The following CFAP20DC variants were observed in gnomAD, a reference collection of about 807,000 sequenced individuals.
CFAP20DC encodes the protein protein CFAP20DC.
A neutral mutation model predicts 101.7 loss-of-function variants in CFAP20DC; 84 were observed. The observed-to-expected ratio is 0.83, with a 90% CI of 0.69 to 0.99. CFAP20DC has a LOEUF of 0.99. CFAP20DC is among the 50% of genes least tolerant of loss of function. The pLI is 0.00. For synonymous variants in CFAP20DC, 359 were observed against 351.2 expected (o/e 1.02, Z -0.25); for missense variants, 1,007 against 970.3 (o/e 1.04, Z -0.50).
chr3:58,898,103 C>T (rs2082819566), intron 6 of CFAP20DC, among the ~76,000 whole-genome samples: 1 of 151,280 alleles, frequency 6.6e-6, no homozygotes, highest in African/African-American at 2.4e-5. Flanking sequence ...TCTTGTCTGC[C>T]TTTCTTATTT....
intron 11 of CFAP20DC, among the ~76,000 whole-genome samples, chr3:58,865,194 T>C (rs1358804191): frequency 6.6e-6 from 1 of 151,878 alleles, no homozygotes; most frequent in African/African-American, 2.4e-5. Flanking sequence ...TCTTGAATCA[T>C]ATTATATTTA....
intron 6 of CFAP20DC, among the ~76,000 whole-genome samples, chr3:58,891,161 G>C (rs528082307): frequency 6.6e-6 from 1 of 151,716 alleles, no homozygotes; most frequent in Non-Finnish European, 1.5e-5. Flanking sequence ...ACGAGACTCC[G>C]TCTGCAATCC....
chr3:59,027,011 T>A (rs1409058048), intron 4 of CFAP20DC, among the ~76,000 whole-genome samples: 2 of 152,104 alleles, frequency 1.3e-5, no homozygotes, highest in East Asian at 3.9e-4. Context: ...GCCATTAAAA[T>A]AAAAGAGTTA....
intron 14 of CFAP20DC, among the ~76,000 whole-genome samples, chr3:58,815,005 T>C (rs2074995539): frequency 6.6e-6 from 1 of 151,318 alleles, no homozygotes; most frequent in African/African-American, 2.4e-5. Flanking sequence ...TGGAAAAAAC[T>C]ACTTTAAAGT....
rs575490716 is a variant in CFAP20DC at position 58,958,899 on chromosome 3, G to A, written c.279-21137C>T. Among the ~76,000 whole-genome samples the A allele has an allele frequency of 9.2e-5, 14 of 151,866 alleles. No homozygotes were observed. The South Asian group carries it at 2.7e-3, about 29-fold the overall frequency. On this transcript the variant is annotated intron_variant, in intron 4 of 16. Coordinates refer to ENST00000482387, the MANE Select transcript of CFAP20DC (RefSeq NM_001394063.1). ...ATATGATTTGCAAATATTTTCACCA[G>A]TCTGTGGTTTGTCTTCATTTACTTA...
intron 5 of CFAP20DC, among the ~76,000 whole-genome samples, chr3:58,930,922 G>A (rs1401563195): frequency 6.6e-6 from 1 of 152,144 alleles, no homozygotes; most frequent in Admixed American, 6.5e-5. Flanking sequence ...GTGGGCGCAG[G>A]ACAGTGGGTG....
chr3:59,012,324 C>T (rs141391183), intron 4 of CFAP20DC, among the ~76,000 whole-genome samples: 9 of 152,232 alleles, frequency 5.9e-5, no homozygotes, highest in African/African-American at 1.9e-4. Context: ...TGATAGTTTC[C>T]GGATCCTACC....
rs1271746055 is a variant in CFAP20DC, at chr3:58,847,479, A to C, written c.1971+1553T>G. ...AAACCACAATGAGATACCATCTCAC[A>C]CCAGTTAGAATGGCAATCATTAAAA... is the stretch of plus-strand genomic sequence containing the variant. On this transcript the variant is annotated intron_variant, in intron 13 of 16. Coordinates refer to ENST00000482387, the MANE Select transcript of CFAP20DC (RefSeq NM_001394063.1). Among the ~76,000 whole-genome samples the C allele has an allele frequency of 3.0e-4, 45 of 150,192 alleles. 1 individual carries two copies. The highest frequency in any genetic ancestry group is 1.5e-4 in the Non-Finnish European group (10 of 66,652).
intron 3 of CFAP20DC, among the ~76,000 whole-genome samples, chr3:58,736,035 A>G (rs1201605098): frequency 6.6e-6 from 1 of 152,184 alleles, no homozygotes; most frequent in African/African-American, 2.4e-5. Context: ...ACCTGACCTG[A>G]GAAGATTAAA....
chr3:59,027,926 T>A (rs1029474647), intron 4 of CFAP20DC, among the ~76,000 whole-genome samples: 1 of 152,174 alleles, frequency 6.6e-6, no homozygotes, highest in African/African-American at 2.4e-5. Context: ...TTAGACACAG[T>A]TACACTAAAA....
intron 5 of CFAP20DC, among the ~76,000 whole-genome samples, chr3:58,932,304 AC>A (rs1196249163): frequency 6.6e-6 from 1 of 152,240 alleles, no homozygotes; most frequent in Non-Finnish European, 1.5e-5. Flanking sequence ...TGATTGGTGT[AC>A]CTGAAAGTGA....
In CFAP20DC at chr3:58,812,318, A is replaced by G. The variant is rs150877458; in HGVS notation, c.2176-5862T>C. On this transcript the variant is annotated intron_variant, in intron 14 of 16. Coordinates refer to ENST00000482387, the MANE Select transcript of CFAP20DC (RefSeq NM_001394063.1). ...TTGGAACCAACCCAAATGTCCAACA[A>G]TGATAGAATGGATTAAGAAATTGTG... 3.9e-5 allele frequency among the ~76,000 whole-genome samples: 6 copies of G among 152,308 alleles called. No individual in the cohort carries two copies. The East Asian group carries it at 1.2e-3, about 29-fold the overall frequency.
chr3:58,947,558 G>A (rs1204688160), intron 4 of CFAP20DC, among the ~76,000 whole-genome samples: 3 of 152,172 alleles, frequency 2.0e-5, no homozygotes, highest in Non-Finnish European at 4.4e-5. Flanking sequence ...ATCTCCTTCT[G>A]CTTCATGTGT....
intron 4 of CFAP20DC, among the ~76,000 whole-genome samples, chr3:58,949,058 T>C (rs919932711): frequency 4.6e-5 from 7 of 152,192 alleles, no homozygotes; most frequent in African/African-American, 1.7e-4. Flanking sequence ...TTCTTCTAGA[T>C]TTTCTAGTTT....
At chr3:59,042,166 A>C (rs1473340427) in intron 3 of CFAP20DC, among the ~76,000 whole-genome samples, 1 of 151,982 alleles carries the variant, frequency 6.6e-6, no homozygotes, top group Non-Finnish European at 1.5e-5. Flanking sequence ...GGTGTAGGAG[A>C]GAGGAACAAA....
chr3:58,826,147 T>C (rs75428503), intron 14 of CFAP20DC, among the ~76,000 whole-genome samples: 2 of 152,328 alleles, frequency 1.3e-5, no homozygotes, highest in East Asian at 3.9e-4. Context: ...AATCAGGCCC[T>C]GCTCAGAAGG....
At chr3:58,943,356 T>A (rs2088895291) in intron 4 of CFAP20DC, among the ~76,000 whole-genome samples, 1 of 152,130 alleles carries the variant, frequency 6.6e-6, no homozygotes, top group Non-Finnish European at 1.5e-5. Context: ...CCCTCTGGGA[T>A]GAAGCTTCCA....
At chr3:58,848,938 T>C in intron 13 of CFAP20DC, 94 bp downstream of exon 13, 1 of 1,390,698 alleles carries the variant, frequency 7.2e-7, no homozygotes, top group Non-Finnish European at 9.5e-7. Context: ...ACCCAAATGA[T>C]GAAAAAGAGA....
chr3:58,933,585 G>A (rs1012267647), intron 5 of CFAP20DC, among the ~76,000 whole-genome samples: 2 of 152,186 alleles, frequency 1.3e-5, no homozygotes, highest in Non-Finnish European at 2.9e-5. Flanking sequence ...TCAGACCACA[G>A]TGAAATCAAA....
Sources: allele counts gnomAD v4.1 joint callset (sites outside exome capture counted in the v4.1 genomes callset), GRCh38; gene constraint gnomAD v4.1.1; transcripts MANE v1.5; gene names NCBI Gene and HGNC (gene_info 2026-07-23, HGNC 2026-07-21).